GPC6: variants seen among roughly 807,000 people sequenced by gnomAD.
GPC6 encodes the protein glypican 6.
Under a neutral mutation model 55.2 loss-of-function variants are expected in GPC6, and 14 were observed. The observed-to-expected ratio is 0.25, with a 90% CI of 0.17 to 0.40. The LOEUF (loss-of-function observed/expected upper bound fraction) is 0.40. Ranked by LOEUF, GPC6 falls within the 10% of genes least tolerant of loss-of-function variation. The pLI, the probability that GPC6 is intolerant of heterozygous loss-of-function variation, is 1.00. For missense variants in GPC6, 641 were observed against 708.5 expected (o/e 0.90, Z 1.08); for synonymous variants, 278 against 259.6 (o/e 1.07, Z -0.68).
rs868302161 is a variant in GPC6, at chr13:93,426,410, C to T, written c.161-118853C>T. Among the ~76,000 whole-genome samples the T allele has an allele frequency of 3.8e-3, 529 of 140,010 alleles. 6 individuals carry two copies. Among genetic ancestry groups the T allele is most frequent in the African/African-American group, 0.013 (490 of 37,282 alleles). The allele number at this position is 140,010 out of a possible 152,430, so 91.9% of individuals were successfully genotyped here. A position where few individuals can be genotyped will look rare whatever the true frequency, so the allele number is the denominator to read the frequency against. ...CCTCCCCCCACCCCACAACAGTCCCCAGAGTGTGATGTTCCCCTTCCTGTG... is the reference window on the plus strand; with the variant it reads ...CCTCCCCCCACCCCACAACAGTCCCTAGAGTGTGATGTTCCCCTTCCTGTG... On this transcript the variant is annotated intron_variant, in intron 1 of 8. Transcript: ENST00000377047.
chr13:93,516,288 T>A (rs1488610302), intron 1 of GPC6, among the ~76,000 whole-genome samples: 1 of 152,198 alleles, frequency 6.6e-6, no homozygotes, highest in Non-Finnish European at 1.5e-5. Flanking sequence ...CATGTGTCAT[T>A]AGCAACCTTA....
At chr13:94,377,122 T>C (rs967481515) in intron 6 of GPC6, among the ~76,000 whole-genome samples, 1 of 150,440 alleles carries the variant, frequency 6.6e-6, no homozygotes, top group African/African-American at 2.4e-5. Flanking sequence ...GGCATTACCA[T>C]TCAGGACATA....
chr13:93,518,891 G>A (rs1014485108), intron 1 of GPC6, among the ~76,000 whole-genome samples: 13 of 151,858 alleles, frequency 8.6e-5, no homozygotes, highest in African/African-American at 3.1e-4. Context: ...GCTAAACCAG[G>A]GATTAGCAAA....
intron 3 of GPC6, among the ~76,000 whole-genome samples, chr13:94,022,384 T>C (rs1316396225): frequency 2.6e-5 from 4 of 152,052 alleles, no homozygotes; most frequent in Non-Finnish European, 5.9e-5. Context: ...GATAATGTCC[T>C]ATATGTCCAT....
chr13:93,739,476 C>T (rs1266586992), intron 2 of GPC6, among the ~76,000 whole-genome samples: 1 of 147,690 alleles, frequency 6.8e-6, no homozygotes, highest in Non-Finnish European at 1.5e-5. Context: ...GTTGCCCAGG[C>T]TGGAGTGCAG....
At chr13:93,961,949 A>G (rs1286442653) in intron 3 of GPC6, among the ~76,000 whole-genome samples, 3 of 152,300 alleles carry the variant, frequency 2.0e-5, no homozygotes, top group Non-Finnish European at 2.9e-5. Context: ...CAGCATCTGT[A>G]GTTCGTTGCT....
intron 1 of GPC6, among the ~76,000 whole-genome samples, chr13:93,423,241 A>T (rs1334346371): frequency 6.6e-6 from 1 of 152,206 alleles, no homozygotes; most frequent in Non-Finnish European, 1.5e-5. Context: ...CACAGGACTG[A>T]ATGTCTTCCG....
chr13:93,763,371 G>T (rs1885013166), intron 2 of GPC6, among the ~76,000 whole-genome samples: 1 of 152,148 alleles, frequency 6.6e-6, no homozygotes, highest in South Asian at 2.1e-4. Context: ...ACAATCAAAG[G>T]GCAAGGTGGT....
At chr13:93,320,164 C>A (rs1879385277) in intron 1 of GPC6, among the ~76,000 whole-genome samples, 1 of 152,130 alleles carries the variant, frequency 6.6e-6, no homozygotes, top group South Asian at 2.1e-4. Flanking sequence ...TCATAATAGA[C>A]TATTTGGCTT....
At chr13:94,308,803 C>T (rs191314869) in intron 6 of GPC6, among the ~76,000 whole-genome samples, 331 of 152,264 alleles carry the variant, frequency 2.2e-3, no homozygotes, top group Non-Finnish European at 3.5e-3. Context: ...GGAGCTATAC[C>T]GAGGTTATTC....
chr13:93,677,956 C>T (rs1881707402), intron 2 of GPC6, among the ~76,000 whole-genome samples: 1 of 151,876 alleles, frequency 6.6e-6, no homozygotes, highest in East Asian at 1.9e-4. Flanking sequence ...ATAATTTATC[C>T]ACATGGATTA....
intron 1 of GPC6, among the ~76,000 whole-genome samples, chr13:93,270,847 C>A (rs1877496658): frequency 6.6e-6 from 1 of 151,836 alleles, no homozygotes; most frequent in African/African-American, 2.4e-5. Flanking sequence ...AGATGAGAAG[C>A]AGTATAGAAA....
chr13:93,834,901 A>G (rs924626803), intron 3 of GPC6, among the ~76,000 whole-genome samples: 4 of 152,114 alleles, frequency 2.6e-5, no homozygotes, highest in African/African-American at 9.7e-5. Context: ...GATTCAGACT[A>G]TTTTTTAGCA....
chr13:93,850,926 G>C (rs756435516), intron 3 of GPC6, among the ~76,000 whole-genome samples: 1 of 151,926 alleles, frequency 6.6e-6, no homozygotes, highest in African/African-American at 2.4e-5. Context: ...CTGCACCTCT[G>C]AGCATTTAGA....
chr13:93,551,938 C>T (rs1436633416), intron 2 of GPC6, among the ~76,000 whole-genome samples: 2 of 152,060 alleles, frequency 1.3e-5, no homozygotes, highest in Non-Finnish European at 2.9e-5. Context: ...AACATACACC[C>T]CTCTATGATG....
Position 93,644,743 on chromosome 13 carries a change from A to G in GPC6, c.319+99322A>G, listed in dbSNP as rs190284236. On this transcript the variant is annotated intron_variant, in intron 2 of 8. Transcript: ENST00000377047. ...TCTTTTTACTTCCCATATTGTCAAC[A>G]TAGATTACTGTTGCCATCAAGAGTA... 6.6e-5 allele frequency among the ~76,000 whole-genome samples: 10 copies of G among 150,618 alleles called. No homozygotes were observed. In the South Asian group the frequency reaches 2.1e-3, roughly 32 times the overall value.
chr13:93,790,423 T>C (rs1885993687), intron 2 of GPC6, among the ~76,000 whole-genome samples: 1 of 152,194 alleles, frequency 6.6e-6, no homozygotes, highest in Non-Finnish European at 1.5e-5. Context: ...ACTAGTCCAA[T>C]TTCCAATTCC....
At chr13:94,267,752 T>A (rs1163854424) in intron 4 of GPC6, among the ~76,000 whole-genome samples, 1 of 152,216 alleles carries the variant, frequency 6.6e-6, no homozygotes, top group African/African-American at 2.4e-5. Context: ...AATTTTGTTA[T>A]GTTAAGTGCT....
At chr13:93,695,183 G>A (rs1187052691) in intron 2 of GPC6, among the ~76,000 whole-genome samples, 1 of 151,978 alleles carries the variant, frequency 6.6e-6, no homozygotes, top group African/African-American at 2.4e-5. Flanking sequence ...TTACTTAGAA[G>A]TTTACTGAGC....
Sources: allele counts gnomAD v4.1 joint callset (sites outside exome capture counted in the v4.1 genomes callset), GRCh38; gene constraint gnomAD v4.1.1; transcripts MANE v1.5; gene names NCBI Gene and HGNC (gene_info 2026-07-23, HGNC 2026-07-21).